The following COQ8A variants were observed in gnomAD, a reference collection of about 807,000 sequenced individuals.
COQ8A encodes atypical kinase COQ8A, mitochondrial.
Under a neutral mutation model 65.0 loss-of-function variants are expected in COQ8A, and 51 were observed. The observed-to-expected ratio is 0.78, with a 90% CI of 0.63 to 0.99. COQ8A has a LOEUF of 0.99. COQ8A is among the 50% of genes least tolerant of loss of function. COQ8A has a pLI of 0.00. For missense variants in COQ8A, 940 were observed against 875.0 expected, an observed-to-expected ratio of 1.07 and a Z score of -0.94; for synonymous variants, 371 against 353.2, an observed-to-expected ratio of 1.05 and a Z score of -0.57.
At chr1:226,959,656 G>A (rs962262877) in intron 1 of COQ8A, among the ~76,000 whole-genome samples, 1 of 152,216 alleles carries the variant, frequency 6.6e-6, no homozygotes, top group South Asian at 2.1e-4. Flanking sequence ...AGAAGAACAG[G>A]TTTTGCATCC....
intron 2 of COQ8A, among the ~76,000 whole-genome samples, chr1:226,963,109 G>A (rs1658349777): frequency 6.6e-6 from 1 of 152,158 alleles, no homozygotes; most frequent in South Asian, 2.1e-4. Flanking sequence ...GGCGAGCAGG[G>A]CCTCCTACTC....
chr1:226,984,761 T>C (rs1659973912), intron 12 of COQ8A, 106 bp downstream of exon 12: 1 of 1,489,732 alleles, frequency 6.7e-7, no homozygotes, highest in East Asian at 2.3e-5. Context: ...AGCAGAGAGC[T>C]CAGGGCTCTG....
chr1:226,985,993 C>T (rs937966936), intron 14 of COQ8A, among the ~76,000 whole-genome samples: 3 of 152,210 alleles, frequency 2.0e-5, no homozygotes, highest in African/African-American at 7.2e-5. Flanking sequence ...CTTGGGCTGT[C>T]CCTGGCGGCA....
intron 10 of COQ8A, 61 bp from the exon 11 acceptor site, chr1:226,984,033 G>GTT: frequency 6.8e-7 from 1 of 1,473,754 alleles, no homozygotes; most frequent in South Asian, 1.2e-5. Flanking sequence ...GGGGGTGTGT[G>GTT]TGGGGGGGGG....
Position 226,984,558 on chromosome 1 carries a change from A to G in COQ8A, c.1409A>G (p.Asn470Ser), listed in dbSNP as rs200800365. The G allele has an allele frequency of 1.0e-4, 167 of 1,613,746 alleles. No homozygotes were observed. Among genetic ancestry groups the G allele is most frequent in the Non-Finnish European group, 1.2e-4 (143 of 1,179,630 alleles). The change falls in exon 12 of 15, where the codon AAC becomes AGC. Residue 470 changes from asparagine (N) to serine (S), a missense_variant. Physicochemically the swap from Asn to Ser is conservative, Grantham distance 46 (BLOSUM62 1). Coordinates refer to ENST00000366777, the MANE Select transcript of COQ8A (RefSeq NM_020247.5). ...SQEIRNEICY[N>S]ILVLCLRELF... is the part of the protein sequence containing the mutation. ...TCGCGCTGTCCACAGATCTGCTACA[A>G]CATCCTGGTTCTGTGCCTGAGGGAG...
chr1:226,959,176 G>A (rs1196590396), intron 1 of COQ8A, among the ~76,000 whole-genome samples: 1 of 152,160 alleles, frequency 6.6e-6, no homozygotes, highest in African/African-American at 2.4e-5. Context: ...GTTCTGGACA[G>A]ATGTTTCCTT....
Position 226,982,128 on chromosome 1 carries a change from G to C in COQ8A, c.832G>C (p.Gly278Arg). 2 of 1,602,174 alleles carry C rather than the reference G, an allele frequency of 1.2e-6. No homozygotes were observed. The highest frequency in any genetic ancestry group is 1.7e-6 in the Non-Finnish European group (2 of 1,175,092). Residue 278 changes from glycine (G) to arginine (R), a missense_variant, in exon 6 of 15, where the codon GGC becomes CGC. Physicochemically the swap from Gly to Arg is moderately radical, Grantham distance 125. Transcript: ENST00000366777. The stretch of plus-strand genomic sequence containing the variant: ...GGTGCGTGGTGCGGCACTCAAGCTG[G>C]GCCAGATGCTGAGCATCCAGGGTGA... ...CKVRGAALKLGQMLSIQDDAF... is the reference protein window; with the variant it reads ...CKVRGAALKLRQMLSIQDDAF...
intron 1 of COQ8A, among the ~76,000 whole-genome samples, chr1:226,945,853 T>C (rs1024154017): frequency 6.6e-6 from 1 of 152,226 alleles, no homozygotes; most frequent in Non-Finnish European, 1.5e-5. Context: ...TGGGTCTGTG[T>C]GCCCACCATG....
At chr1:226,982,525 G>T in intron 6 of COQ8A, 153 bp from the exon 7 acceptor site, 2 of 842,572 alleles carry the variant, frequency 2.4e-6, no homozygotes, top group Non-Finnish European at 3.9e-6. Context: ...GTGGCCGAGG[G>T]CGTGTGTGCG....
intron 5 of COQ8A, among the ~76,000 whole-genome samples, chr1:226,978,601 C>A (rs1221576614): frequency 2.2e-5 from 2 of 93,004 alleles, no homozygotes; most frequent in Admixed American, 1.0e-4. Context: ...ACACTCTACC[C>A]TCTACACACC....
At chr1:226,958,430 G>A (rs1475697470) in intron 1 of COQ8A, among the ~76,000 whole-genome samples, 6 of 152,174 alleles carry the variant, frequency 3.9e-5, no homozygotes, top group Non-Finnish European at 8.8e-5. Context: ...GCTCCAGGTC[G>A]TCGCTTCCAC....
chr1:226,985,408 A>T, intron 14 of COQ8A, 68 bp downstream of exon 14: 2 of 1,568,304 alleles, frequency 1.3e-6, no homozygotes, highest in South Asian at 1.1e-5. Context: ...GTAAGAATGG[A>T]TGAAAGCACA....
At chr1:226,940,687 C>G (rs759675858) in intron 1 of COQ8A, 2 of 152,538 alleles carry the variant, frequency 1.3e-5, no homozygotes, top group Non-Finnish European at 2.9e-5. Flanking sequence ...CCCTGGAACA[C>G]GCCCGCTGCT....
chr1:226,971,586 A>G (rs2148080128), intron 4 of COQ8A, among the ~76,000 whole-genome samples: 1 of 152,302 alleles, frequency 6.6e-6, no homozygotes, highest in East Asian at 1.9e-4. Flanking sequence ...ATATATCATC[A>G]TACTTTATTT....
rs1173612751 is a variant in COQ8A at position 226,985,279 on chromosome 1, A to C, written c.1598A>C (p.Asp533Ala). ...IQIIRAAADRDRETVRAKSIE... is the reference protein window; with the variant it reads ...IQIIRAAADRARETVRAKSIE... ...ATCATCAGGGCTGCTGCCGACAGGG[A>C]CAGGGAGACTGTGCGGGCGAAATCC... Residue 533 changes from aspartate to alanine, a missense_variant, in exon 14 of 15, where the codon GAC becomes GCC. Asp to Ala is a moderately radical substitution (Grantham distance 126). Coordinates refer to ENST00000366777, the MANE Select transcript of COQ8A (RefSeq NM_020247.5). 3 of 1,613,612 alleles carry C rather than the reference A, an allele frequency of 1.9e-6. No homozygotes were observed. Among genetic ancestry groups the C allele is most frequent in the Non-Finnish European group, 2.5e-6 (3 of 1,179,996 alleles).
At chr1:226,975,007 C>T (rs1157027563) in intron 4 of COQ8A, 3 of 152,282 alleles carry the variant, frequency 2.0e-5, no homozygotes, top group Admixed American at 2.0e-4. Context: ...GATCCACCTG[C>T]CCCTCTCGTG....
At chr1:226,978,985 C>T (rs2148115592) in intron 5 of COQ8A, among the ~76,000 whole-genome samples, 1 of 152,340 alleles carries the variant, frequency 6.6e-6, no homozygotes, top group African/African-American at 2.4e-5. Flanking sequence ...TCCTTGTAAA[C>T]CCACCTTTTG....
rs1012564293 is a variant in COQ8A, at chr1:226,961,622, G to A, written c.177+60G>A. ...GGAAGAGGGTGGGACCTGGAGCTCTGGGGGAGACCAAGGGCTGTGACCATG... is the reference window on the plus strand; with the variant it reads ...GGAAGAGGGTGGGACCTGGAGCTCTAGGGGAGACCAAGGGCTGTGACCATG... On this transcript the variant is annotated intron_variant, in intron 2 of 14. Transcript: ENST00000366777. 5.8e-6 allele frequency: 9 copies of A among 1,546,066 alleles called. No individual in the cohort carries two copies. The African/African-American group carries it at 1.2e-4, about 21-fold the overall frequency.
In COQ8A at chr1:226,946,588, G is replaced by A. The variant is rs1032729867; in HGVS notation, c.-10+6189G>A. 2.0e-5 allele frequency among the ~76,000 whole-genome samples: 3 copies of A among 152,196 alleles called. No individual in the cohort carries two copies. The highest frequency in any genetic ancestry group is 7.2e-5 in the African/African-American group (3 of 41,454). The stretch of plus-strand genomic sequence containing the variant: ...CTGTGGTCCCCTTGCACCCTGCTGA[G>A]CCTCTTCTCATTTCTCGTTGCGTGT... On this transcript the variant is annotated intron_variant, in intron 1 of 14. Transcript: ENST00000366777. The surrounding 1 kb of genome is among the most constrained non-coding windows in gnomAD (Gnocchi z 5.3).
Sources: gnomAD v4.1 joint callset for allele counts (sites outside exome capture counted in the v4.1 genomes callset) on GRCh38, gnomAD v4.1.1 for gene constraint, Gnocchi (gnomAD v3.1) non-coding constraint, MANE v1.5 for transcripts, NCBI Gene and HGNC (gene_info 2026-07-23, HGNC 2026-07-21) for gene names.